The following ADGRB3 variants were observed in gnomAD, a reference collection of about 807,000 sequenced individuals.
ADGRB3 encodes adhesion G protein-coupled receptor B3.
In ADGRB3, 37 loss-of-function variants were observed where a neutral mutation model predicts 193.4. The ratio of observed to expected loss-of-function variants is 0.19; its 90% CI spans 0.15 to 0.25. The LOEUF (loss-of-function observed/expected upper bound fraction) is 0.25. ADGRB3 is among the 10% of genes least tolerant of loss of function. The pLI is 1.00. For missense variants in ADGRB3, 1,637 were observed against 1,852.9 expected (o/e 0.88, Z 2.14); for synonymous variants, 690 against 644.2 (o/e 1.07, Z -1.08).
intron 11 of ADGRB3, among the ~76,000 whole-genome samples, chr6:69,010,964 G>A (rs1193896088): frequency 6.6e-6 from 1 of 151,968 alleles, no homozygotes; most frequent in African/African-American, 2.4e-5. Context: ...TGCTACCACA[G>A]AAGCAGCTTC....
intron 3 of ADGRB3, among the ~76,000 whole-genome samples, chr6:68,844,602 A>G (rs572310943): frequency 3.3e-4 from 51 of 152,250 alleles, no homozygotes; most frequent in Admixed American, 8.5e-4. Flanking sequence ...CTAAAATAAT[A>G]GAAGTACCCA....
intron 3 of ADGRB3, among the ~76,000 whole-genome samples, chr6:68,861,641 T>A (rs1765159188): frequency 1.3e-5 from 2 of 152,234 alleles, no homozygotes; most frequent in Admixed American, 6.5e-5. Context: ...TGTACTATTT[T>A]ATTTTCAAGA....
intron 6 of ADGRB3, among the ~76,000 whole-genome samples, chr6:68,951,395 T>C (rs997519681): frequency 9.2e-5 from 14 of 152,122 alleles, no homozygotes; most frequent in African/African-American, 3.4e-4. Flanking sequence ...TCGCCCTCTT[T>C]ATCACGTTGT....
At chr6:68,768,700 T>C (rs767517865) in intron 3 of ADGRB3, among the ~76,000 whole-genome samples, 4 of 152,088 alleles carry the variant, frequency 2.6e-5, no homozygotes, top group Non-Finnish European at 5.9e-5. Context: ...TGGGATCTAA[T>C]TAAACTAAAG....
At chr6:69,145,609 A>C (rs549718697) in intron 17 of ADGRB3, among the ~76,000 whole-genome samples, 1 of 152,178 alleles carries the variant, frequency 6.6e-6, no homozygotes, top group Non-Finnish European at 1.5e-5. Context: ...TCCCATGTCC[A>C]GGAAGAATGA....
chr6:68,848,419 A>C (rs1015783013), intron 3 of ADGRB3, among the ~76,000 whole-genome samples: 2 of 152,042 alleles, frequency 1.3e-5, no homozygotes, highest in African/African-American at 4.8e-5. Flanking sequence ...GCTAGGTAAA[A>C]CTCAAATTTT....
intron 20 of ADGRB3, among the ~76,000 whole-genome samples, chr6:69,294,060 C>T (rs1044321117): frequency 1.5e-4 from 23 of 152,134 alleles, no homozygotes; most frequent in Non-Finnish European, 2.4e-4. Flanking sequence ...GTTCCCTCTT[C>T]GTCTCCTCAG....
At position 69,016,578 on chromosome 6, in the gene ADGRB3, A is replaced by G. The variant is rs143511337; in HGVS notation, c.1999-1813A>G. Among the ~76,000 whole-genome samples, 724 of 152,016 alleles carry G rather than the reference A, an allele frequency of 4.8e-3. 3 individuals are homozygous for G. The highest frequency in any genetic ancestry group is 7.7e-3 in the Non-Finnish European group (521 of 67,876). Reference sequence around the variant, plus strand: ...TCCTTATATCTTTATGACTGGAAGTAATTTTGCCACTTGAAGCAAAATTCA... The same window carrying G: ...TCCTTATATCTTTATGACTGGAAGTGATTTTGCCACTTGAAGCAAAATTCA... On this transcript the variant is annotated intron_variant, in intron 12 of 31. Coordinates refer to ENST00000370598, the MANE Select transcript of ADGRB3 (RefSeq NM_001704.3).
chr6:69,150,810 G>A (rs1484904685), intron 17 of ADGRB3, among the ~76,000 whole-genome samples: 10 of 152,184 alleles, frequency 6.6e-5, no homozygotes, highest in Admixed American at 6.5e-4. Context: ...GGGCTCTTTA[G>A]CAGCAGGTGA....
intron 16 of ADGRB3, among the ~76,000 whole-genome samples, chr6:69,070,783 A>G (rs1274295735): frequency 6.6e-6 from 1 of 152,220 alleles, no homozygotes; most frequent in Non-Finnish European, 1.5e-5. Flanking sequence ...AACATCATTA[A>G]TATATCAAGA....
chr6:68,845,465 T>G (rs1319754047), intron 3 of ADGRB3, among the ~76,000 whole-genome samples: 2 of 152,056 alleles, frequency 1.3e-5, no homozygotes, highest in Non-Finnish European at 2.9e-5. Flanking sequence ...TCTGTAACTG[T>G]GTGATATGGT....
chr6:69,277,280 A>G (rs563773903), intron 20 of ADGRB3, among the ~76,000 whole-genome samples: 5 of 152,222 alleles, frequency 3.3e-5, no homozygotes, highest in Non-Finnish European at 7.4e-5. Context: ...GGTGTGAGCC[A>G]TGGCGCCTGG....
chr6:69,121,125 C>T (rs947683933), intron 17 of ADGRB3, among the ~76,000 whole-genome samples: 33 of 151,172 alleles, frequency 2.2e-4, no homozygotes, highest in Non-Finnish European at 4.3e-4. Flanking sequence ...ACAAAGGTCT[C>T]TGGTTTTCCT....
At chr6:69,332,203 A>T (rs1201766878) in intron 23 of ADGRB3, 1 of 985,310 alleles carries the variant, frequency 1.0e-6, no homozygotes, top group Admixed American at 6.1e-5. Flanking sequence ...TTACAGTTTT[A>T]CTTGAAAAAG....
chr6:69,210,508 A>G (rs985850388), intron 17 of ADGRB3, among the ~76,000 whole-genome samples: 1 of 152,098 alleles, frequency 6.6e-6, no homozygotes, highest in Admixed American at 6.5e-5. Flanking sequence ...CAGGATCACT[A>G]CTTTGTATTC....
intron 15 of ADGRB3, among the ~76,000 whole-genome samples, chr6:69,050,054 T>C (rs541727760): frequency 3.9e-4 from 59 of 152,316 alleles, no homozygotes; most frequent in African/African-American, 1.4e-3. Flanking sequence ...TTTTGGAAGA[T>C]AGAGATAAAG....
At chr6:68,871,479 T>C (rs1233766215) in intron 3 of ADGRB3, among the ~76,000 whole-genome samples, 6 of 152,138 alleles carry the variant, frequency 3.9e-5, no homozygotes, top group Non-Finnish European at 5.9e-5. Flanking sequence ...ATATAATCAA[T>C]TTTGTACTCA....
chr6:69,175,876 G>A (rs1302581777), intron 17 of ADGRB3, among the ~76,000 whole-genome samples: 1 of 152,060 alleles, frequency 6.6e-6, no homozygotes, highest in Non-Finnish European at 1.5e-5. Flanking sequence ...TGTATTCCTA[G>A]GTATTTTATT....
At chr6:69,010,923 G>A (rs1043031207) in intron 11 of ADGRB3, among the ~76,000 whole-genome samples, 1 of 152,020 alleles carries the variant, frequency 6.6e-6, no homozygotes, top group South Asian at 2.1e-4. Context: ...CATTAATGGA[G>A]TTTTAAAAGA....
Sources: allele counts gnomAD v4.1 joint callset (sites outside exome capture counted in the v4.1 genomes callset), GRCh38; gene constraint gnomAD v4.1.1; transcripts MANE v1.5; gene names NCBI Gene and HGNC (gene_info 2026-07-23, HGNC 2026-07-21).